Variants in KIRREL3 observed in about 807,000 individuals in gnomAD.
KIRREL3 encodes kirre like nephrin family adhesion molecule 3.
KIRREL3 carries 36 observed loss-of-function variants against 89.7 expected under a neutral mutation model. That is an observed-to-expected ratio of 0.40 (90% CI 0.31 to 0.53). KIRREL3 has a LOEUF of 0.53. KIRREL3 is among the 20% of genes least tolerant of loss of function. KIRREL3 has a pLI of 0.49. For missense variants in KIRREL3, 864 were observed against 1,056.6 expected (o/e 0.82, Z 2.53); for synonymous variants, 445 against 441.4 (o/e 1.01, Z -0.10).
chr11:126,720,482 G>A (rs191326396), intron 1 of KIRREL3, among the ~76,000 whole-genome samples: 3 of 152,298 alleles, frequency 2.0e-5, no homozygotes, highest in South Asian at 4.1e-4. Flanking sequence ...CAGACCTAGA[G>A]GAAATATGCT....
Position 126,996,061 on chromosome 11 carries a change from A to T in KIRREL3, c.55+4394T>A, listed in dbSNP as rs1950172106. On this transcript the variant is annotated intron_variant, in intron 1 of 16. Coordinates refer to ENST00000525144, the MANE Select transcript of KIRREL3 (RefSeq NM_032531.4). The surrounding 1 kb of genome is among the most constrained non-coding windows in gnomAD (Gnocchi z 4.7). The stretch of plus-strand genomic sequence containing the variant: ...CCTCCCCCTAGGGACTTTCTTTTCC[A>T]TCCTCAATAGGTCTGGCTGGCAACT... Among the ~76,000 whole-genome samples the T allele has an allele frequency of 6.6e-6, 1 of 152,024 alleles. No homozygotes were observed. Among genetic ancestry groups the T allele is most frequent in the African/African-American group, 2.4e-5 (1 of 41,380 alleles).
At chr11:126,963,558 C>A (rs1337493550) in intron 1 of KIRREL3, among the ~76,000 whole-genome samples, 1 of 152,170 alleles carries the variant, frequency 6.6e-6, no homozygotes, top group Non-Finnish European at 1.5e-5. Context: ...ACCATCCTCT[C>A]CACTTGAATC....
chr11:126,799,218 GTGTGTATC>G (rs1433957127), intron 1 of KIRREL3, among the ~76,000 whole-genome samples: 9 of 150,930 alleles, frequency 6.0e-5, no homozygotes, highest in Non-Finnish European at 7.4e-5. Flanking sequence ...GTGTATCTGT[GTGTGTATC>G]TGTGTATCTG....
Position 126,953,589 on chromosome 11 carries a change from T to A in KIRREL3, c.55+46866A>T, listed in dbSNP as rs765930644. ...ATCATGGATGCAAATGTGGATCAAATACACACACACACACTTGGGAGAGAT... is the reference window on the plus strand; with the variant it reads ...ATCATGGATGCAAATGTGGATCAAAAACACACACACACACTTGGGAGAGAT... On this transcript the variant is annotated intron_variant, in intron 1 of 16. Coordinates refer to ENST00000525144, the MANE Select transcript of KIRREL3 (RefSeq NM_032531.4). This position sits in a 1 kb window ranked among gnomAD's most constrained non-coding sequence, Gnocchi z 5.2. Among the ~76,000 whole-genome samples, 8 of 143,314 alleles carry A rather than the reference T, an allele frequency of 5.6e-5. No homozygotes were observed. The highest frequency in any genetic ancestry group is 1.5e-5 in the Non-Finnish European group (1 of 66,512). The allele number at this position is 143,314 out of a possible 152,430, so 94.0% of individuals were successfully genotyped here.
In KIRREL3 at chr11:126,431,586, T is replaced by A. The variant is rs3802817; in HGVS notation, c.1589-60A>T. The A allele has an allele frequency of 0.66, 1,003,400 of 1,521,672 alleles. 334,881 individuals are homozygous for A. Among genetic ancestry groups the A allele is most frequent in the East Asian group, 0.94 (41,288 of 43,790 alleles). The allele number at this position is 1,521,672 out of a possible 1,614,324, so 94.3% of individuals were successfully genotyped here. ...TGGGGAATGGCCTACTATCCCCCCA[T>A]GATCTCACCCCGTTCCTGCGGGGGC... On this transcript the variant is annotated intron_variant, in intron 13 of 16. Transcript: ENST00000525144. This position sits in a 1 kb window ranked among gnomAD's most constrained non-coding sequence, Gnocchi z 7.1.
chr11:126,665,982 G>C (rs1278382235), intron 1 of KIRREL3, among the ~76,000 whole-genome samples: 1 of 152,194 alleles, frequency 6.6e-6, no homozygotes, highest in African/African-American at 2.4e-5. Flanking sequence ...TACTTATACT[G>C]TGTCAGTCTA....
rs531750178 is a variant in KIRREL3, at chr11:126,576,324, G to A, written c.56-13412C>T. Among the ~76,000 whole-genome samples, 1 of 152,072 alleles carries A rather than the reference G, an allele frequency of 6.6e-6. No homozygotes were observed. The highest frequency in any genetic ancestry group is 2.4e-5 in the African/African-American group (1 of 41,408). ...TGTAGTTAACCTTCCAGTCATTCAG[G>A]TTTTTATCTTTGAGTTTATTCTAAT... On this transcript the variant is annotated intron_variant, in intron 1 of 16. Coordinates refer to ENST00000525144, the MANE Select transcript of KIRREL3 (RefSeq NM_032531.4). The surrounding 1 kb of genome is among the most constrained non-coding windows in gnomAD (Gnocchi z 5.4).
intron 1 of KIRREL3, among the ~76,000 whole-genome samples, chr11:126,613,893 T>TTTTTTTTG (rs371748740): frequency 3.0e-4 from 35 of 118,626 alleles, no homozygotes; most frequent in East Asian, 1.3e-3. Context: ...TTTTTTTTTT[T>TTTTTTTTG]ATTTTTTTCC....
At chr11:126,818,623 T>TGTGTG (rs771686378) in intron 1 of KIRREL3, among the ~76,000 whole-genome samples, 2 of 22,468 alleles carry the variant, frequency 8.9e-5, no homozygotes, top group African/African-American at 1.3e-4. Context: ...GTAGTAGTAG[T>TGTGTG]AGTGTGTGTG....
At chr11:126,849,425 A>G (rs548719561) in intron 1 of KIRREL3, among the ~76,000 whole-genome samples, 109 of 152,186 alleles carry the variant, frequency 7.2e-4, no homozygotes, top group Admixed American at 2.6e-3. Context: ...TTCTTAGTAA[A>G]CTTGCTTTCA....
rs1024912497 is a variant in KIRREL3 at position 126,647,833 on chromosome 11, A to G, written c.56-84921T>C. On this transcript the variant is annotated intron_variant, in intron 1 of 16. Transcript: ENST00000525144. This position sits in a 1 kb window ranked among gnomAD's most constrained non-coding sequence, Gnocchi z 4.9. Reference sequence around the variant, plus strand: ...TGTTCAGAACGGTGCAGAGCATTCCATCTCACTGAGAATGAAAGCCAACAC... The same window carrying G: ...TGTTCAGAACGGTGCAGAGCATTCCGTCTCACTGAGAATGAAAGCCAACAC... Among the ~76,000 whole-genome samples, 6 of 152,190 alleles carry G rather than the reference A, an allele frequency of 3.9e-5. No homozygotes were observed. Among genetic ancestry groups the G allele is most frequent in the Non-Finnish European group, 5.9e-5 (4 of 68,040 alleles).
At chr11:126,680,051 G>T (rs1304403387) in intron 1 of KIRREL3, among the ~76,000 whole-genome samples, 9 of 152,168 alleles carry the variant, frequency 5.9e-5, no homozygotes, top group Admixed American at 5.2e-4. Flanking sequence ...CACTTCTGTT[G>T]CTTCTCCTCA....
rs565978946 is a variant in KIRREL3 at position 126,843,191 on chromosome 11, G to A, written c.55+157264C>T. ...GAGCAGCTCTCTGGGAGGAAGATAC[G>A]GTCTCTGAGCAAGACAAAAACAAGA... On this transcript the variant is annotated intron_variant, in intron 1 of 16. Coordinates refer to ENST00000525144, the MANE Select transcript of KIRREL3 (RefSeq NM_032531.4). This position sits in a 1 kb window ranked among gnomAD's most constrained non-coding sequence, Gnocchi z 4.6. Among the ~76,000 whole-genome samples the A allele has an allele frequency of 5.9e-5, 9 of 152,200 alleles. No individual in the cohort carries two copies. The highest frequency in any genetic ancestry group is 1.0e-4 in the Non-Finnish European group (7 of 68,014).
chr11:126,490,669 G>A lies in KIRREL3; in HGVS notation c.434-17203C>T, dbSNP rs1565495428. 6.6e-6 allele frequency among the ~76,000 whole-genome samples: 1 copy of A among 152,188 alleles called. No individual in the cohort carries two copies. Among genetic ancestry groups the A allele is most frequent in the South Asian group, 2.1e-4 (1 of 4,828 alleles). On this transcript the variant is annotated intron_variant, in intron 4 of 16. Coordinates refer to ENST00000525144, the MANE Select transcript of KIRREL3 (RefSeq NM_032531.4). The surrounding 1 kb of genome is among the most constrained non-coding windows in gnomAD (Gnocchi z 4.2). ...GGGATAATAATTCTGTGAAGGTTAG[G>A]AGAAGTTCCATGGGATGGCATTTGT...
chr11:126,815,290 G>A (rs1185507612), intron 1 of KIRREL3, among the ~76,000 whole-genome samples: 1 of 152,120 alleles, frequency 6.6e-6, no homozygotes. Flanking sequence ...AAGATTCCAC[G>A]TGGAAGGAAG....
Position 126,772,027 on chromosome 11 carries a change from C to T in KIRREL3, c.56-209115G>A, listed in dbSNP as rs747202458. ...TGAGGTAGAGGAGAGGAGGCACTGT[C>T]GGGAAACCATGACCTTTCCACCTGT... On this transcript the variant is annotated intron_variant, in intron 1 of 16. Coordinates refer to ENST00000525144, the MANE Select transcript of KIRREL3 (RefSeq NM_032531.4). The surrounding 1 kb of genome is among the most constrained non-coding windows in gnomAD (Gnocchi z 4.6). Among the ~76,000 whole-genome samples, 3 of 152,200 alleles carry T rather than the reference C, an allele frequency of 2.0e-5. No homozygotes were observed. The highest frequency in any genetic ancestry group is 4.8e-5 in the African/African-American group (2 of 41,462).
rs1474599387 is a variant in KIRREL3 at position 126,807,872 on chromosome 11, T to C, written c.55+192583A>G. 6.6e-6 allele frequency among the ~76,000 whole-genome samples: 1 copy of C among 152,156 alleles called. No individual in the cohort carries two copies. The highest frequency in any genetic ancestry group is 1.5e-5 in the Non-Finnish European group (1 of 68,040). On this transcript the variant is annotated intron_variant, in intron 1 of 16. Transcript: ENST00000525144. The surrounding 1 kb of genome is among the most constrained non-coding windows in gnomAD (Gnocchi z 4.3). ...ATATTGTCTCAAATAATAGTCCTCATAGGAAGGTGACGAAAGGAAGCTCAA... is the reference window on the plus strand; with the variant it reads ...ATATTGTCTCAAATAATAGTCCTCACAGGAAGGTGACGAAAGGAAGCTCAA...
rs1327276907 is a variant in KIRREL3 at position 126,694,342 on chromosome 11, T to A, written c.56-131430A>T. The stretch of plus-strand genomic sequence containing the variant: ...AAGTGAATTGCACTTTTCCATTGTA[T>A]CCTAGTGAGCGTGCACCGGAGTTGT... On this transcript the variant is annotated intron_variant, in intron 1 of 16. Transcript: ENST00000525144. This position sits in a 1 kb window ranked among gnomAD's most constrained non-coding sequence, Gnocchi z 4.4. Among the ~76,000 whole-genome samples the A allele has an allele frequency of 6.6e-6, 1 of 152,218 alleles. No homozygotes were observed. The highest frequency in any genetic ancestry group is 1.5e-5 in the Non-Finnish European group (1 of 68,036).
chr11:126,545,217 G>A (rs78903971), intron 2 of KIRREL3, among the ~76,000 whole-genome samples: 6,242 of 152,282 alleles, frequency 0.041, 242 homozygotes, highest in Admixed American at 0.12. Flanking sequence ...AAGATAACAT[G>A]AAACTGCCCT....
Sources: gnomAD v4.1 joint callset for allele counts (sites outside exome capture counted in the v4.1 genomes callset) on GRCh38, gnomAD v4.1.1 for gene constraint, Gnocchi (gnomAD v3.1) non-coding constraint, MANE v1.5 for transcripts, NCBI Gene and HGNC (gene_info 2026-07-23, HGNC 2026-07-21) for gene names.